PTPN18: variants seen among roughly 807,000 people sequenced by gnomAD.
The protein encoded by PTPN18 is protein tyrosine phosphatase non-receptor type 18.
PTPN18 carries 65 observed loss-of-function variants against 65.4 expected under a neutral mutation model. The ratio of observed to expected loss-of-function variants is 0.99; its 90% CI spans 0.81 to 1.22. The LOEUF (loss-of-function observed/expected upper bound fraction) is 1.22. Among genes scored for constraint, PTPN18 ranks in the 50% most tolerant of loss-of-function variants. The pLI is 0.00. For missense variants in PTPN18, 616 were observed against 646.5 expected, an observed-to-expected ratio of 0.95 and a Z score of 0.51; for synonymous variants, 255 against 267.8, an observed-to-expected ratio of 0.95 and a Z score of 0.47.
Position 130,359,324 on chromosome 2 carries a change from C to G in PTPN18, c.279+15C>G, listed in dbSNP as rs1680109878. ...ACTTCATCCGGGTGAGGGTTGGGGT[C>G]ACGGAAGGAGGTGGACTGGGAGTGG... On this transcript the variant is annotated intron_variant, in intron 3 of 14. Coordinates refer to ENST00000175756, the MANE Select transcript of PTPN18 (RefSeq NM_014369.4). 1.9e-6 allele frequency: 3 copies of G among 1,614,030 alleles called. No individual in the cohort carries two copies. Among genetic ancestry groups the G allele is most frequent in the Non-Finnish European group, 2.5e-6 (3 of 1,180,010 alleles).
intron 13 of PTPN18, 178 bp downstream of exon 13, chr2:130,372,661 G>A: frequency 3.0e-6 from 3 of 1,003,370 alleles, no homozygotes; most frequent in Non-Finnish European, 4.2e-6. Flanking sequence ...CCCCCTGGCG[G>A]TCGCAGTCGC....
In PTPN18 at chr2:130,359,594, C is replaced by T. The variant is rs187887523; in HGVS notation, c.376-14C>T. 1 of 1,614,078 alleles carries T rather than the reference C, an allele frequency of 6.2e-7. No individual in the cohort carries two copies. The highest frequency in any genetic ancestry group is 8.5e-7 in the Non-Finnish European group (1 of 1,179,962). On this transcript the variant is annotated splice_polypyrimidine_tract_variant and intron_variant, in intron 4 of 14. Coordinates refer to ENST00000175756, the MANE Select transcript of PTPN18 (RefSeq NM_014369.4). Reference sequence around the variant, plus strand: ...CCCAAATCACCTTCCTCTCCCCTGACCCTCCTTGTCTAGGTGATCCTGATG... The same window carrying T: ...CCCAAATCACCTTCCTCTCCCCTGATCCTCCTTGTCTAGGTGATCCTGATG...
At chr2:130,370,446 CAAGAGG>C in intron 8 of PTPN18, 105 bp from the exon 9 acceptor site, 1 of 1,295,396 alleles carries the variant, frequency 7.7e-7, no homozygotes, top group Admixed American at 1.7e-5. Flanking sequence ...TTCTGGGAAT[CAAGAGG>C]CTCTGCAGGG....
intron 3 of PTPN18, 24 bp from the exon 4 acceptor site, chr2:130,359,373 A>T (rs183397039): frequency 6.8e-6 from 11 of 1,613,412 alleles, no homozygotes; most frequent in Middle Eastern, 1.6e-4. Context: ...GCAGAATCTC[A>T]GTCGTGAATT....
At position 130,374,401 on chromosome 2, in the gene PTPN18, C is replaced by A; in HGVS notation, c.*1177C>A. 1 of 289,354 alleles carries A rather than the reference C, an allele frequency of 3.5e-6. No individual in the cohort carries two copies. The highest frequency in any genetic ancestry group is 3.2e-5 in the South Asian group (1 of 30,908). The allele number at this position is 289,354 out of a possible 1,614,324, so 17.9% of individuals were successfully genotyped here. The stretch of plus-strand genomic sequence containing the variant: ...CAGACTGGTCTTGAACTCCCAACCT[C>A]AAGCAATCCTCCTGCCTCAGCCTCC... On this transcript the variant is annotated 3_prime_UTR_variant, in exon 15 of 15. Transcript: ENST00000175756.
At chr2:130,368,969 T>C (rs1454595268) in intron 5 of PTPN18, 164 bp from the exon 6 acceptor site, 12 of 591,506 alleles carry the variant, frequency 2.0e-5, no homozygotes, top group Admixed American at 8.2e-5. Context: ...AGTCTGCATG[T>C]GTTTAATCTG....
chr2:130,360,252 T>C (rs992532705), intron 5 of PTPN18, among the ~76,000 whole-genome samples: 2 of 152,264 alleles, frequency 1.3e-5, no homozygotes, highest in African/African-American at 4.8e-5. Context: ...ACATTGTTTA[T>C]GCTTAATCTC....
rs990019439 is a variant in PTPN18, at chr2:130,358,930, C to A, written c.157C>A (p.Arg53=). 3.1e-6 allele frequency: 5 copies of A among 1,614,166 alleles called. No individual in the cohort carries two copies. The East Asian group carries it at 8.9e-5, about 29-fold the overall frequency. The change falls in exon 2 of 15, where the codon CGG becomes AGG. Residue 53 remains arginine (R), a synonymous_variant. Coordinates refer to ENST00000175756, the MANE Select transcript of PTPN18 (RefSeq NM_014369.4). ...DGVCSTVAGS[R]PENVRKNRYK... is the part of the protein sequence containing the mutation. Reference sequence around the variant, plus strand: ...CGTGTGCTCCACCGTGGCCGGCAGTCGGCCAGAGAACGTGAGGAAGAACCG... The same window carrying A: ...CGTGTGCTCCACCGTGGCCGGCAGTAGGCCAGAGAACGTGAGGAAGAACCG...
chr2:130,356,865 C>A (rs931553695), intron 1 of PTPN18, among the ~76,000 whole-genome samples: 2 of 152,202 alleles, frequency 1.3e-5, no homozygotes, highest in African/African-American at 4.8e-5. Context: ...TGGGCGCACA[C>A]TTCGTAGGGG....
In PTPN18 at chr2:130,356,119, C is replaced by G. The variant is rs913334200; in HGVS notation, c.12C>G (p.Ser4Arg). The change falls in exon 1 of 15, where the codon AGC becomes AGG. Residue 4 changes from serine to arginine, a missense_variant. This residue lies in a region of PTPN18 where 223 missense variants were observed against 210.0 expected (regional missense o/e 1.06). Coordinates refer to ENST00000175756, the MANE Select transcript of PTPN18 (RefSeq NM_014369.4). The stretch of plus-strand genomic sequence containing the variant: ...TGGCCCGCGGCGCCATGAGCCGCAG[C>G]CTGGACTCGGCGCGGAGCTTCCTGG... MSR[S>R]LDSARSFLER... The G allele has an allele frequency of 1.4e-5, 18 of 1,308,770 alleles. 1 individual carries two copies. In the East Asian group the frequency reaches 5.4e-4, roughly 39 times the overall value. The allele number at this position is 1,308,770 out of a possible 1,614,324, so 81.1% of individuals were successfully genotyped here.
chr2:130,361,510 T>TTCTC (rs1297406815), intron 5 of PTPN18, among the ~76,000 whole-genome samples: 4 of 136,050 alleles, frequency 2.9e-5, no homozygotes, highest in South Asian at 2.5e-4. Context: ...TTTCTTTTCT[T>TTCTC]TCTCTTTCTT....
intron 12 of PTPN18, among the ~76,000 whole-genome samples, 179 bp downstream of exon 12, chr2:130,371,466 A>T (rs1680564108): frequency 6.6e-6 from 1 of 152,106 alleles, no homozygotes; most frequent in Admixed American, 6.5e-5. Context: ...TGATTCATTT[A>T]CCCCTTGCCT....
At position 130,373,518 on chromosome 2, in the gene PTPN18, G is replaced by C. The variant is rs766336937; in HGVS notation, c.*294G>C. 1 of 282,688 alleles carries C rather than the reference G, an allele frequency of 3.5e-6. No individual in the cohort carries two copies. Among genetic ancestry groups the C allele is most frequent in the South Asian group, 8.4e-5 (1 of 11,962 alleles). The allele number at this position is 282,688 out of a possible 1,614,324, so 17.5% of individuals were successfully genotyped here. On this transcript the variant is annotated 3_prime_UTR_variant, in exon 15 of 15. Coordinates refer to ENST00000175756, the MANE Select transcript of PTPN18 (RefSeq NM_014369.4). The surrounding 1 kb of genome is among the most constrained non-coding windows in gnomAD (Gnocchi z 4.1). ...GGGGAGAAGGGACAGATGAGCTTCC[G>C]GAGACTGCTCTCCTCACCACACAGC...
Position 130,372,883 on chromosome 2 carries a change from C to T in PTPN18, c.1251C>T (p.Asp417=). Residue 417 remains aspartate, a synonymous_variant, in exon 14 of 15, where the codon GAC becomes GAT. Coordinates refer to ENST00000175756, the MANE Select transcript of PTPN18 (RefSeq NM_014369.4). ...RGTLPGRVPA[D]QSPAGSGAYE... is the part of the protein sequence containing the mutation. ...GTCTGCTGCCCTCAGTTCCTGCTGA[C>T]CAAAGTCCTGCCGGATCTGGCGCCT... 1.2e-6 allele frequency: 2 copies of T among 1,614,212 alleles called. No individual in the cohort carries two copies. The highest frequency in any genetic ancestry group is 1.7e-6 in the Non-Finnish European group (2 of 1,180,028).
In PTPN18 at chr2:130,375,141, G is replaced by T; in HGVS notation, c.*1917G>T. 1 of 175,486 alleles carries T rather than the reference G, an allele frequency of 5.7e-6. No homozygotes were observed. The highest frequency in any genetic ancestry group is 1.2e-5 in the Non-Finnish European group (1 of 82,052). 10.9% of individuals were successfully genotyped at this position (175,486 alleles called of 1,614,324 possible). ...CCCCTGCCACTCCTGTGAGCCTGCT[G>T]CTGGTGAGGTCGGTGCTGACCTCTG... On this transcript the variant is annotated 3_prime_UTR_variant, in exon 15 of 15. Transcript: ENST00000175756.
intron 5 of PTPN18, chr2:130,360,041 TC>T (rs1680145346): frequency 4.8e-6 from 1 of 209,154 alleles, no homozygotes; most frequent in African/African-American, 2.3e-5. Flanking sequence ...GCCTAGGACA[TC>T]CTTCCCTGTG....
At chr2:130,357,189 C>A (rs931522459) in intron 1 of PTPN18, among the ~76,000 whole-genome samples, 2 of 151,928 alleles carry the variant, frequency 1.3e-5, no homozygotes, top group Non-Finnish European at 2.9e-5. Context: ...CAGCCTGGGC[C>A]ACAGAGTGAG....
intron 5 of PTPN18, among the ~76,000 whole-genome samples, chr2:130,368,071 T>A (rs575679427): frequency 1.3e-5 from 2 of 152,352 alleles, no homozygotes; most frequent in African/African-American, 4.8e-5. Context: ...TCTTTATAAA[T>A]TCCATTCAGG....
intron 5 of PTPN18, 197 bp downstream of exon 5, chr2:130,359,843 G>C: frequency 1.5e-6 from 1 of 661,218 alleles, no homozygotes; most frequent in South Asian, 1.9e-5. Context: ...CCCCTCTCCT[G>C]CTGGGCTTCC....
Sources: allele counts gnomAD v4.1 joint callset (sites outside exome capture counted in the v4.1 genomes callset), GRCh38; gene constraint gnomAD v4.1.1; regional missense constraint gnomAD v4.1.1; non-coding constraint Gnocchi (gnomAD v3.1); transcripts MANE v1.5; gene names NCBI Gene and HGNC (gene_info 2026-07-23, HGNC 2026-07-21).